The following RETSAT variants were observed in gnomAD, a reference collection of about 807,000 sequenced individuals.
RETSAT encodes retinol saturase.
RETSAT carries 35 observed loss-of-function variants against 61.6 expected under a neutral mutation model. The ratio of observed to expected loss-of-function variants is 0.57; its 90% CI spans 0.43 to 0.75. The LOEUF is 0.75. Among genes scored for constraint, RETSAT ranks in the 30% least tolerant of loss-of-function variants. The pLI is 0.00. For synonymous variants in RETSAT, 277 were observed against 310.4 expected (o/e 0.89, Z 1.13); for missense variants, 670 against 759.5 (o/e 0.88, Z 1.38).
At chr2:85,354,250 G>T in intron 1 of RETSAT, 86 bp downstream of exon 1, 1 of 1,452,788 alleles carries the variant, frequency 6.9e-7, no homozygotes, top group South Asian at 1.2e-5. Flanking sequence ...GCCCACGTCT[G>T]GTAGCGGCTG....
intron 2 of RETSAT, 198 bp downstream of exon 2, chr2:85,351,482 T>C (rs1683299143): frequency 1.8e-6 from 1 of 554,680 alleles, no homozygotes; most frequent in Admixed American, 3.6e-5. Flanking sequence ...GAGGTTACAG[T>C]AAGCTGGGAT....
chr2:85,350,246 G>C lies in RETSAT; in HGVS notation c.598-5C>G. On this transcript the variant is annotated splice_region_variant and splice_polypyrimidine_tract_variant and intron_variant, in intron 3 of 10. Transcript: ENST00000295802. Reference sequence around the variant, plus strand: ...AGGGGCTCCACTGGATACCACCTGGGGGAGTGAATGAGGACAGCAGGCCTC... The same window carrying C: ...AGGGGCTCCACTGGATACCACCTGGCGGAGTGAATGAGGACAGCAGGCCTC... 6.2e-7 allele frequency: 1 copy of C among 1,611,596 alleles called. No individual in the cohort carries two copies. Among genetic ancestry groups the C allele is most frequent in the Non-Finnish European group, 8.5e-7 (1 of 1,177,994 alleles).
chr2:85,343,769 G>A lies in RETSAT; in HGVS notation c.1563C>T (p.Leu521=), dbSNP rs780458753. The change falls in exon 10 of 11, where the codon CTC becomes CTT. Residue 521 remains leucine (L), a synonymous_variant. Coordinates refer to ENST00000295802, the MANE Select transcript of RETSAT (RefSeq NM_017750.4). ...KVESVTAGSP[L]TNQFYLAAPR... is the part of the protein sequence containing the mutation. ...GAGCAGCCAGATAGAACTGGTTGGT[G>A]AGTGGGGATCCTGCAGTCACACTCT... 1.9e-6 allele frequency: 3 copies of A among 1,613,964 alleles called. No homozygotes were observed. The highest frequency in any genetic ancestry group is 1.7e-6 in the Non-Finnish European group (2 of 1,179,866).
At chr2:85,351,458 G>A (rs535975177) in intron 2 of RETSAT, 7 of 509,090 alleles carry the variant, frequency 1.4e-5, no homozygotes, top group Middle Eastern at 5.2e-4. Context: ...TGAGAATCAC[G>A]AACTCAGGAG....
At chr2:85,349,756 G>A in intron 4 of RETSAT, 175 bp from the exon 5 acceptor site, 1 of 656,292 alleles carries the variant, frequency 1.5e-6, no homozygotes, top group South Asian at 1.9e-5. Flanking sequence ...GTACCTTAGA[G>A]ATCTTGGCGC....
At chr2:85,349,817 A>G (rs1323026098) in intron 4 of RETSAT, 2 of 626,782 alleles carry the variant, frequency 3.2e-6, no homozygotes, top group Non-Finnish European at 5.6e-6. Flanking sequence ...ACCAAGGAGG[A>G]TAGTGTTGCT....
chr2:85,349,062 T>TTTTTTTTGTTTTG (rs1558683125), intron 5 of RETSAT, among the ~76,000 whole-genome samples: 5 of 151,862 alleles, frequency 3.3e-5, no homozygotes, highest in African/African-American at 1.2e-4. Context: ...TTTTTGTTTT[T>TTTTTTTTGTTTTG]TTTTTTTTAA....
intron 1 of RETSAT, among the ~76,000 whole-genome samples, chr2:85,353,809 G>C (rs1284457820): frequency 6.6e-6 from 1 of 152,178 alleles, no homozygotes; most frequent in Non-Finnish European, 1.5e-5. Context: ...GATGAGAGTG[G>C]AGAGCAGGCT....
At chr2:85,345,472 C>T (rs1683179950) in intron 6 of RETSAT, 4 of 295,456 alleles carry the variant, frequency 1.4e-5, no homozygotes, top group African/African-American at 2.2e-5. Flanking sequence ...CTCCAGCTCC[C>T]GCCCCATCCT....
chr2:85,349,699 C>T (rs761924300), intron 4 of RETSAT, 118 bp from the exon 5 acceptor site: 6 of 899,122 alleles, frequency 6.7e-6, no homozygotes, highest in South Asian at 6.2e-5. Context: ...ACCACATGTT[C>T]CTCAGGGTCC....
chr2:85,346,125 G>A lies in RETSAT; in HGVS notation c.998-31C>T, dbSNP rs375842897. On this transcript the variant is annotated intron_variant, in intron 5 of 10. Coordinates refer to ENST00000295802, the MANE Select transcript of RETSAT (RefSeq NM_017750.4). Reference sequence around the variant, plus strand: ...GGCACAAGAGCTTGGCTGAGGGTCTGTGAGCTCTGGGATGAAGAGAAAGGC... The same window carrying A: ...GGCACAAGAGCTTGGCTGAGGGTCTATGAGCTCTGGGATGAAGAGAAAGGC... The A allele has an allele frequency of 2.3e-5, 37 of 1,597,500 alleles. No individual in the cohort carries two copies. The Admixed American group carries it at 6.2e-4, about 27-fold the overall frequency.
chr2:85,344,166 C>T lies in RETSAT; in HGVS notation c.1367-1G>A. On this transcript the variant is annotated splice_acceptor_variant, in intron 8 of 10. Transcript: ENST00000295802. LOFTEE classifies it high-confidence loss of function. The stretch of plus-strand genomic sequence containing the variant: ...ATGAGCATGATCATGGTGGACCGGC[C>T]TGGGGATCAGAGCTGATATTACTAC... 1.2e-6 allele frequency: 2 copies of T among 1,614,132 alleles called. No individual in the cohort carries two copies. The highest frequency in any genetic ancestry group is 8.5e-7 in the Non-Finnish European group (1 of 1,180,006).
chr2:85,350,080 A>G lies in RETSAT; in HGVS notation c.759T>C (p.Ser253=). ...TGTAGCTGAGTACTGCCTGGAGCTC[A>G]GAGGAGGCCCCCAGCTGCTGCAGGA... ...AEVLQQLGAS[S]ELQAVLSYIF... The change falls in exon 4 of 11, where the codon TCT becomes TCC. Residue 253 remains serine (S), a synonymous_variant. Transcript: ENST00000295802. 1.2e-6 allele frequency: 2 copies of G among 1,613,922 alleles called. No individual in the cohort carries two copies. Among genetic ancestry groups the G allele is most frequent in the Non-Finnish European group, 1.7e-6 (2 of 1,180,016 alleles).
At chr2:85,346,786 A>G (rs1683210165) in intron 5 of RETSAT, among the ~76,000 whole-genome samples, 1 of 152,166 alleles carries the variant, frequency 6.6e-6, no homozygotes, top group Non-Finnish European at 1.5e-5. Flanking sequence ...GAATGAATAA[A>G]ATAAAAATAA....
At position 85,348,553 on chromosome 2, in the gene RETSAT, A is replaced by AC. The variant is rs1384344997; in HGVS notation, c.997+830dup. Among the ~76,000 whole-genome samples, 196 of 144,956 alleles carry AC rather than the reference A, an allele frequency of 1.4e-3. 2 individuals carry two copies. Among genetic ancestry groups the AC allele is most frequent in the African/African-American group, 4.9e-3 (190 of 39,102 alleles). The stretch of plus-strand genomic sequence containing the variant: ...AGGCTGAGGCGGGAGAATGGCATGA[A>AC]CCAGGAGGCGGAGCTTGCAGTGAGC... On this transcript the variant is annotated intron_variant, in intron 5 of 10. Transcript: ENST00000295802.
At chr2:85,344,801 A>G in intron 6 of RETSAT, 69 bp from the exon 7 acceptor site, 1 of 1,551,326 alleles carries the variant, frequency 6.4e-7, no homozygotes, top group Non-Finnish European at 8.7e-7. Flanking sequence ...CTCCCAGGAG[A>G]GCCTTGGGGT....
At chr2:85,348,538 G>A (rs759743602) in intron 5 of RETSAT, among the ~76,000 whole-genome samples, 9 of 148,766 alleles carry the variant, frequency 6.0e-5, no homozygotes, top group African/African-American at 1.5e-4. Flanking sequence ...AGGCTGAGGC[G>A]GGAGAATGGC....
At position 85,349,421 on chromosome 2, in the gene RETSAT, C is replaced by A. The variant is rs372505970; in HGVS notation, c.960G>T (p.Val320=). 1 of 1,614,182 alleles carries A rather than the reference C, an allele frequency of 6.2e-7. No homozygotes were observed. The highest frequency in any genetic ancestry group is 8.5e-7 in the Non-Finnish European group (1 of 1,180,032). ...AGGAVLTKAT[V]QSVLLDSAGK... ...CAGCTGAGTCCAGCAACACACTCTG[C>A]ACAGTGGCCTTTGTGAGGACAGCGC... The change falls in exon 5 of 11, where the codon GTG becomes GTT. Residue 320 remains valine (V), a synonymous_variant. Coordinates refer to ENST00000295802, the MANE Select transcript of RETSAT (RefSeq NM_017750.4).
chr2:85,345,632 T>C (rs988680176), intron 6 of RETSAT: 4 of 393,258 alleles, frequency 1.0e-5, no homozygotes, highest in Non-Finnish European at 2.0e-5. Flanking sequence ...GTGGGCTGCC[T>C]GCTCTCCTGC....
Sources: gnomAD v4.1 joint callset for allele counts (sites outside exome capture counted in the v4.1 genomes callset) on GRCh38, gnomAD v4.1.1 for gene constraint, MANE v1.5 for transcripts, NCBI Gene and HGNC (gene_info 2026-07-23, HGNC 2026-07-21) for gene names.